The following RBPJ variants were observed in gnomAD, a reference collection of about 807,000 sequenced individuals.
The protein encoded by RBPJ is recombining binding protein suppressor of hairless.
A neutral mutation model predicts 67.8 loss-of-function variants in RBPJ; 9 were observed. The ratio of observed to expected loss-of-function variants is 0.13; its 90% CI spans 0.08 to 0.23. The LOEUF is 0.23. RBPJ is among the 10% of genes least tolerant of loss of function. The pLI, the probability that RBPJ is intolerant of heterozygous loss-of-function variation, is 1.00. For synonymous variants in RBPJ, 198 were observed against 203.3 expected (o/e 0.97, Z 0.22); for missense variants, 305 against 595.6 (o/e 0.51, Z 5.08).
At chr4:26,278,424 A>C (rs1020231831) in intron 1 of RBPJ, among the ~76,000 whole-genome samples, 1 of 152,194 alleles carries the variant, frequency 6.6e-6, no homozygotes, top group Non-Finnish European at 1.5e-5. Context: ...CTGATATCTG[A>C]TAGAAAAAAT....
chr4:26,124,727 C>T, the RBPJ span, among the ~76,000 whole-genome samples: 1 of 151,924 alleles, frequency 6.6e-6, no homozygotes, highest in Admixed American at 6.6e-5. Flanking sequence ...GTTCCGTTTA[C>T]CGCATCTGTA....
chr4:26,300,788 A>G (rs1331566014), intron 1 of RBPJ, among the ~76,000 whole-genome samples: 2 of 152,196 alleles, frequency 1.3e-5, no homozygotes, highest in Non-Finnish European at 2.9e-5. Context: ...TGTTCAGGAA[A>G]TTCTTCTTTT....
At chr4:26,113,576 G>A in the RBPJ span, 1 of 446,276 alleles carries the variant, frequency 2.2e-6, no homozygotes, top group Non-Finnish European at 4.5e-6. Context: ...GAAGCCCTAT[G>A]AATGCAAAGC....
At chr4:26,356,641 G>GC (rs1727410292) in intron 1 of RBPJ, among the ~76,000 whole-genome samples, 2 of 152,000 alleles carry the variant, frequency 1.3e-5, no homozygotes, top group Admixed American at 1.3e-4. Context: ...ATTTAGGGTT[G>GC]CCCCCCTCAT....
chr4:26,316,572 CAT>C (rs1193904815), upstream of RBPJ, among the ~76,000 whole-genome samples: 1 of 34,422 alleles, frequency 2.9e-5, no homozygotes, highest in African/African-American at 1.4e-4. Context: ...TATACACATT[CAT>C]ATATATACAT....
chr4:26,357,493 A>C (rs948553040), intron 1 of RBPJ, among the ~76,000 whole-genome samples: 2 of 152,234 alleles, frequency 1.3e-5, no homozygotes, highest in African/African-American at 4.8e-5. Flanking sequence ...AAAATTTGTC[A>C]AAATATAAGG....
At chr4:26,239,741 G>T (rs577720671) in intron 1 of RBPJ, among the ~76,000 whole-genome samples, 21 of 150,412 alleles carry the variant, frequency 1.4e-4, no homozygotes, top group Non-Finnish European at 2.4e-4. Flanking sequence ...GAGGGGAGGG[G>T]AGGGGAGAGG....
At chr4:26,309,989 A>T (rs1312417111) in intron 1 of RBPJ, among the ~76,000 whole-genome samples, 1 of 152,244 alleles carries the variant, frequency 6.6e-6, no homozygotes, top group Non-Finnish European at 1.5e-5. Context: ...TCACTAGAGT[A>T]AATGGCCCAT....
intron 1 of RBPJ, among the ~76,000 whole-genome samples, chr4:26,169,619 A>G (rs943848961): frequency 6.6e-6 from 1 of 152,228 alleles, no homozygotes; most frequent in Non-Finnish European, 1.5e-5. Flanking sequence ...AGACAGGGAC[A>G]TTTAAGTCTG....
At chr4:26,343,701 C>T (rs1364833735) in intron 1 of RBPJ, among the ~76,000 whole-genome samples, 1 of 148,216 alleles carries the variant, frequency 6.7e-6, no homozygotes, top group Non-Finnish European at 1.5e-5. Flanking sequence ...GTGTGTGTCA[C>T]CATGCCTGGC....
At chr4:26,386,301 A>C in intron 1 of RBPJ, 52 bp from the exon 2 acceptor site, 1 of 1,251,484 alleles carries the variant, frequency 8.0e-7, no homozygotes. Flanking sequence ...CTTTCTGTAG[A>C]GTGTATCATA....
At chr4:26,300,919 CAAAT>C (rs1315920424) in intron 1 of RBPJ, among the ~76,000 whole-genome samples, 5 of 152,124 alleles carry the variant, frequency 3.3e-5, no homozygotes, top group African/African-American at 1.2e-4. Context: ...TTTAAAGAAA[CAAAT>C]GAACTACCTG....
In RBPJ at chr4:26,309,499, C is replaced by T. The variant is rs148613143; in HGVS notation, c.-166-52947C>T. Among the ~76,000 whole-genome samples, 626 of 152,274 alleles carry T rather than the reference C, an allele frequency of 4.1e-3. 7 individuals are homozygous for T. The highest frequency in any genetic ancestry group is 0.015 in the African/African-American group (604 of 41,542). ...GTAATACCTCAATTAATTATCAAAG[C>T]AACCCTATGCAATAGGTTTCATATT... On this transcript the variant is annotated intron_variant, in intron 1 of 4. Coordinates refer to the RBPJ transcript ENST00000512351.
At chr4:26,147,929 C>T in the RBPJ span, among the ~76,000 whole-genome samples, 1 of 152,190 alleles carries the variant, frequency 6.6e-6, no homozygotes, top group South Asian at 2.1e-4. Flanking sequence ...ACCAGCGCAT[C>T]AACATCTGCA....
chr4:26,365,314 TG>T (rs2109519598), intron 1 of RBPJ, among the ~76,000 whole-genome samples: 1 of 152,266 alleles, frequency 6.6e-6, no homozygotes, highest in East Asian at 1.9e-4. Flanking sequence ...TTCAATTTTT[TG>T]GGCTTTTTCT....
chr4:26,406,359 C>T, intron 3 of RBPJ, 89 bp downstream of exon 3: 1 of 807,960 alleles, frequency 1.2e-6, no homozygotes, highest in Non-Finnish European at 2.1e-6. Context: ...AGGATGGCTT[C>T]TATTACTGGG....
rs1261712618 is a variant in RBPJ at position 26,203,001 on chromosome 4, GGAAGGAA to G, written c.-167+39388_-167+39394del. On this transcript the variant is annotated intron_variant, in intron 1 of 4. Coordinates refer to the RBPJ transcript ENST00000512351. ...AGGAAGGAAGGAAGGAAGGAAGGAA[GGAAGGAA>G]AAAAGAAAAGAAAAGAGAAGAAAGA... Among the ~76,000 whole-genome samples, 6 of 103,470 alleles carry G rather than the reference GGAAGGAA, an allele frequency of 5.8e-5. 1 individual carries two copies. The highest frequency in any genetic ancestry group is 6.0e-4 in the South Asian group (2 of 3,306). The allele number at this position is 103,470 out of a possible 152,430, so 67.9% of individuals were successfully genotyped here.
chr4:26,340,567 C>T (rs1307895582), intron 1 of RBPJ, among the ~76,000 whole-genome samples: 1 of 151,930 alleles, frequency 6.6e-6, no homozygotes, highest in Non-Finnish European at 1.5e-5. Flanking sequence ...GTAAGAAATG[C>T]AGCATATTGG....
At chr4:26,253,018 T>C (rs1036912776) in intron 1 of RBPJ, among the ~76,000 whole-genome samples, 1 of 152,212 alleles carries the variant, frequency 6.6e-6, no homozygotes, top group African/African-American at 2.4e-5. Context: ...ATTTGACATA[T>C]TTAAAGCATC....
Sources: gnomAD v4.1 joint callset for allele counts (sites outside exome capture counted in the v4.1 genomes callset) on GRCh38, gnomAD v4.1.1 for gene constraint, MANE v1.5 for transcripts, NCBI Gene and HGNC (gene_info 2026-07-23, HGNC 2026-07-21) for gene names.